Variants in JMY observed in about 807,000 individuals in gnomAD.
JMY encodes the protein junction mediating and regulatory protein, p53 cofactor.
In JMY, 46 loss-of-function variants were observed where a neutral mutation model predicts 103.3. That is an observed-to-expected ratio of 0.45 (90% CI 0.35 to 0.57). The LOEUF (loss-of-function observed/expected upper bound fraction) is 0.57, where lower values mean the gene tolerates loss of function less well. Among genes scored for constraint, JMY ranks in the 20% least tolerant of loss-of-function variants. JMY has a pLI of 0.00. For synonymous variants in JMY, 526 were observed against 489.3 expected (o/e 1.07, Z -0.99); for missense variants, 1,238 against 1,255.2 (o/e 0.99, Z 0.21).
intron 1 of JMY, among the ~76,000 whole-genome samples, chr5:79,238,321 G>C (rs1744588641): frequency 6.6e-6 from 1 of 152,034 alleles, no homozygotes; most frequent in Non-Finnish European, 1.5e-5. Flanking sequence ...TAGAAATAAA[G>C]ATTCTGGGCA....
Position 79,251,963 on chromosome 5 carries a change from A to G in JMY, c.1032+14281A>G, listed in dbSNP as rs141034008. On this transcript the variant is annotated intron_variant, in intron 1 of 10. Coordinates refer to ENST00000396137, the MANE Select transcript of JMY (RefSeq NM_152405.5). ...CTAATTTTTTGTATTTTTAGTAGAG[A>G]TGGGGTTTCTCCATGTTGGTCAGGC... Among the ~76,000 whole-genome samples the G allele has an allele frequency of 4.5e-3, 689 of 151,790 alleles. 6 individuals carry two copies. The highest frequency in any genetic ancestry group is 0.016 in the African/African-American group (651 of 41,354).
Position 79,326,859 on chromosome 5 carries a change from G to A in JMY, c.*5257G>A, listed in dbSNP as rs1216933685. 1.3e-5 allele frequency: 2 copies of A among 152,212 alleles called. No individual in the cohort carries two copies. The highest frequency in any genetic ancestry group is 2.9e-5 in the Non-Finnish European group (2 of 68,028). 9.4% of individuals were successfully genotyped at this position (152,212 alleles called of 1,614,324 possible). ...ACATTAAATGGACAGTGTGCACAGT[G>A]TATTGTAAATGCCAACTCTTGCAAA... On this transcript the variant is annotated 3_prime_UTR_variant, in exon 11 of 11. Coordinates refer to ENST00000396137, the MANE Select transcript of JMY (RefSeq NM_152405.5).
chr5:79,238,786 T>A (rs1309261848), intron 1 of JMY, among the ~76,000 whole-genome samples: 2 of 151,644 alleles, frequency 1.3e-5, no homozygotes, highest in Non-Finnish European at 2.9e-5. Context: ...TAGCTGGGAC[T>A]ACAGGTGCGC....
intron 6 of JMY, among the ~76,000 whole-genome samples, chr5:79,301,986 G>GGCA (rs1207406607): frequency 6.6e-6 from 1 of 151,688 alleles, no homozygotes; most frequent in Admixed American, 6.6e-5. Context: ...GGGAGGCTGA[G>GGCA]GCAGGAGAAT....
At chr5:79,318,759 TATAG>T (rs779364723) in intron 10 of JMY, among the ~76,000 whole-genome samples, 142 of 20,550 alleles carry the variant, frequency 6.9e-3, no homozygotes, top group Middle Eastern at 0.019. Context: ...TATATATATA[TATAG>T]AGAGAGAGAG....
At position 79,326,740 on chromosome 5, in the gene JMY, C is replaced by T. The variant is rs150487745; in HGVS notation, c.*5138C>T. The T allele has an allele frequency of 6.6e-6, 1 of 152,142 alleles. No homozygotes were observed. Among genetic ancestry groups the T allele is most frequent in the Admixed American group, 6.5e-5 (1 of 15,278 alleles). 9.4% of individuals were successfully genotyped at this position (152,142 alleles called of 1,614,324 possible). A position where few individuals can be genotyped will look rare whatever the true frequency, so the allele number is the denominator to read the frequency against. ...AAATTTTAATGGAAAACTCATTCACCATTTACTAGCTTTGTGCAATATTAT... is the reference window on the plus strand; with the variant it reads ...AAATTTTAATGGAAAACTCATTCACTATTTACTAGCTTTGTGCAATATTAT... On this transcript the variant is annotated 3_prime_UTR_variant, in exon 11 of 11. Coordinates refer to ENST00000396137, the MANE Select transcript of JMY (RefSeq NM_152405.5).
At chr5:79,300,636 A>G (rs745526562) in intron 5 of JMY, 40 bp from the exon 6 acceptor site, 4 of 1,504,454 alleles carry the variant, frequency 2.7e-6, no homozygotes, top group South Asian at 2.5e-5. Flanking sequence ...ACCCTAGCCC[A>G]TATTCTTTAC....
In JMY at chr5:79,323,489, GGTTA is replaced by G. The variant is rs1043875159; in HGVS notation, c.*1888_*1891del. The G allele has an allele frequency of 1.3e-5, 2 of 152,088 alleles. No individual in the cohort carries two copies. The highest frequency in any genetic ancestry group is 4.8e-5 in the African/African-American group (2 of 41,424). 9.4% of individuals were successfully genotyped at this position (152,088 alleles called of 1,614,324 possible). A position where few individuals can be genotyped will look rare whatever the true frequency, so the allele number is the denominator to read the frequency against. The stretch of plus-strand genomic sequence containing the variant: ...GTATTTCTTAACCCAAAGAGTGATT[GGTTA>G]TATGAATATATTTGAAAAAGTTAAA... On this transcript the variant is annotated 3_prime_UTR_variant, in exon 11 of 11. Coordinates refer to ENST00000396137, the MANE Select transcript of JMY (RefSeq NM_152405.5).
chr5:79,279,066 G>GATC (rs1443896148), intron 2 of JMY, among the ~76,000 whole-genome samples: 2 of 152,140 alleles, frequency 1.3e-5, no homozygotes, highest in African/African-American at 4.8e-5. Context: ...GCCAGGCATG[G>GATC]ATCATGCCTG....
chr5:79,302,390 C>T (rs1178507454), intron 6 of JMY, among the ~76,000 whole-genome samples: 1 of 152,102 alleles, frequency 6.6e-6, no homozygotes, highest in East Asian at 1.9e-4. Context: ...GTCCCTGCTC[C>T]TCCTAGTCTT....
At chr5:79,296,088 T>C (rs192013880) in intron 4 of JMY, among the ~76,000 whole-genome samples, 21 of 152,338 alleles carry the variant, frequency 1.4e-4, no homozygotes, top group Middle Eastern at 3.4e-3. Flanking sequence ...TCCCAGGGTT[T>C]TTTTAGATTT....
intron 2 of JMY, among the ~76,000 whole-genome samples, chr5:79,280,248 T>C (rs1278398682): frequency 6.6e-6 from 1 of 152,248 alleles, no homozygotes; most frequent in Non-Finnish European, 1.5e-5. Context: ...TACTTTAGAC[T>C]GCTGCATTGT....
chr5:79,255,691 A>G (rs1380356906), intron 1 of JMY, among the ~76,000 whole-genome samples: 2 of 152,188 alleles, frequency 1.3e-5, no homozygotes, highest in African/African-American at 2.4e-5. Context: ...TCATAAAGGT[A>G]CCACCTTGAT....
rs531886847 is a variant in JMY at position 79,300,190 on chromosome 5, G to A, written c.1565G>A (p.Arg522Gln). The A allele has an allele frequency of 2.6e-5, 42 of 1,613,274 alleles. No individual in the cohort carries two copies. Among genetic ancestry groups the A allele is most frequent in the Non-Finnish European group, 3.1e-5 (37 of 1,179,644 alleles). The change falls in exon 5 of 11, where the codon CGA (arginine) becomes CAA (glutamine). Residue 522 changes from arginine to glutamine, a missense_variant. By Grantham distance (43) the Arg-to-Gln change is conservative (BLOSUM62 1). Coordinates refer to ENST00000396137, the MANE Select transcript of JMY (RefSeq NM_152405.5). ...CGGGGTGGTACAGAAGCGATAGCACGATTGGATCAGTTAGAAGCTGATTAT... is the reference window on the plus strand; with the variant it reads ...CGGGGTGGTACAGAAGCGATAGCACAATTGGATCAGTTAGAAGCTGATTAT... ...SLRGGTEAIA[R>Q]LDQLEADYYD...
intron 10 of JMY, among the ~76,000 whole-genome samples, chr5:79,317,469 T>C (rs1334927398): frequency 6.6e-6 from 1 of 152,162 alleles, no homozygotes; most frequent in Non-Finnish European, 1.5e-5. Flanking sequence ...GATAACATGG[T>C]ATAAATTAAA....
At chr5:79,274,158 TTTATC>T (rs1209419602) in intron 1 of JMY, among the ~76,000 whole-genome samples, 1 of 151,954 alleles carries the variant, frequency 6.6e-6, no homozygotes, top group Admixed American at 6.6e-5. Context: ...GATTGGATAA[TTTATC>T]TTTATCTTCA....
intron 1 of JMY, among the ~76,000 whole-genome samples, chr5:79,271,833 C>T (rs1025980469): frequency 9.2e-5 from 14 of 152,154 alleles, no homozygotes; most frequent in South Asian, 4.1e-4. Flanking sequence ...CTGGGCTGGG[C>T]GCAGTGGCTC....
intron 1 of JMY, among the ~76,000 whole-genome samples, chr5:79,255,692 C>G (rs1047309118): frequency 1.3e-5 from 2 of 152,214 alleles, no homozygotes; most frequent in Admixed American, 6.5e-5. Flanking sequence ...CATAAAGGTA[C>G]CACCTTGATG....
At chr5:79,291,066 T>G (rs1746405844) in intron 3 of JMY, 64 bp from the exon 4 acceptor site, 4 of 1,167,384 alleles carry the variant, frequency 3.4e-6, no homozygotes, top group Non-Finnish European at 4.7e-6. Flanking sequence ...AGTGAAATCT[T>G]TTTCAAATGC....
Sources: gnomAD v4.1 joint callset for allele counts (sites outside exome capture counted in the v4.1 genomes callset) on GRCh38, gnomAD v4.1.1 for gene constraint, MANE v1.5 for transcripts, NCBI Gene and HGNC (gene_info 2026-07-23, HGNC 2026-07-21) for gene names.